EFHD2: variants seen among roughly 807,000 people sequenced by gnomAD.
EFHD2 encodes EF-hand domain-containing protein D2.
A neutral mutation model predicts 20.3 loss-of-function variants in EFHD2; 12 were observed. The ratio of observed to expected loss-of-function variants is 0.59; its 90% CI spans 0.38 to 0.96. The LOEUF is 0.96. Among genes scored for constraint, EFHD2 ranks in the 40% least tolerant of loss-of-function variants. The probability of loss-of-function intolerance (pLI) is 0.00; values close to 1 mark genes in which losing one functional copy is unlikely to be tolerated. For synonymous variants in EFHD2, 131 were observed against 143.9 expected (o/e 0.91, Z 0.64); for missense variants, 250 against 334.3 (o/e 0.75, Z 1.97).
At chr1:15,421,432 C>T (rs1447177639) in intron 1 of EFHD2, among the ~76,000 whole-genome samples, 1 of 152,192 alleles carries the variant, frequency 6.6e-6, no homozygotes, top group East Asian at 1.9e-4. Context: ...CCCGTCACCT[C>T]CTCTTGGTGA....
intron 1 of EFHD2, 94 bp from the exon 2 acceptor site, chr1:15,425,777 A>G: frequency 6.6e-7 from 1 of 1,510,248 alleles, no homozygotes; most frequent in Non-Finnish European, 8.9e-7. Flanking sequence ...GGTTGGTAGG[A>G]GATGCCCTCT....
intron 1 of EFHD2, among the ~76,000 whole-genome samples, chr1:15,417,404 C>A (rs1707691531): frequency 6.6e-6 from 1 of 152,184 alleles, no homozygotes; most frequent in African/African-American, 2.4e-5. Context: ...AAGGGGGTGG[C>A]TGGCAGGGAG....
At chr1:15,410,430 G>A in intron 1 of EFHD2, 151 bp downstream of exon 1, 2 of 995,960 alleles carry the variant, frequency 2.0e-6, no homozygotes, top group South Asian at 1.8e-5. Context: ...GGACCCGGCG[G>A]CCCCTTCCAG....
intron 1 of EFHD2, among the ~76,000 whole-genome samples, chr1:15,411,240 C>G (rs999834265): frequency 6.6e-6 from 1 of 151,770 alleles, no homozygotes; most frequent in African/African-American, 2.4e-5. Context: ...ATGTCCCACA[C>G]CCACCCTGGT....
chr1:15,417,298 C>T (rs980139801), intron 1 of EFHD2, among the ~76,000 whole-genome samples: 3 of 152,182 alleles, frequency 2.0e-5, no homozygotes, highest in African/African-American at 7.2e-5. Flanking sequence ...GATTAAGTTA[C>T]GTTATAAACA....
chr1:15,422,466 C>G (rs1378545731), intron 1 of EFHD2, among the ~76,000 whole-genome samples: 1 of 152,192 alleles, frequency 6.6e-6, no homozygotes. Context: ...CCAGATGCCA[C>G]TGGCATCCCC....
chr1:15,426,078 C>T lies in EFHD2; in HGVS notation c.456+60C>T, dbSNP rs941882551. On this transcript the variant is annotated intron_variant, in intron 2 of 3. Transcript: ENST00000375980. This position sits in a 1 kb window ranked among gnomAD's most constrained non-coding sequence, Gnocchi z 4.6. ...GGGCTTCACCTGAGGACCTGGTGGCCCGGGAGAGACCAACCCCCACCCTTT... is the reference window on the plus strand; with the variant it reads ...GGGCTTCACCTGAGGACCTGGTGGCTCGGGAGAGACCAACCCCCACCCTTT... The T allele has an allele frequency of 6.7e-7, 1 of 1,483,802 alleles. No homozygotes were observed. The highest frequency in any genetic ancestry group is 1.4e-5 in the African/African-American group (1 of 69,126). The allele number at this position is 1,483,802 out of a possible 1,614,324, so 91.9% of individuals were successfully genotyped here. A position where few individuals can be genotyped will look rare whatever the true frequency, so the allele number is the denominator to read the frequency against.
chr1:15,414,730 A>C (rs565540721), intron 1 of EFHD2, among the ~76,000 whole-genome samples: 4 of 152,352 alleles, frequency 2.6e-5, no homozygotes, highest in Non-Finnish European at 5.9e-5. Flanking sequence ...GACAGGACGC[A>C]GGGTTAGAGC....
rs151088045 is a variant in EFHD2, at chr1:15,415,770, G to A, written c.308+5491G>A. ...CTCCCAAAGTGCTGGGATTACAGAC[G>A]AGAGCCACCGCTCCCAGCCTGATAC... On this transcript the variant is annotated intron_variant, in intron 1 of 3. Transcript: ENST00000375980. 7.2e-4 allele frequency among the ~76,000 whole-genome samples: 109 copies of A among 152,208 alleles called. 1 individual carries two copies. In the East Asian group the frequency reaches 0.019, roughly 27 times the overall value.
chr1:15,411,248 G>A (rs1221782692), intron 1 of EFHD2, among the ~76,000 whole-genome samples: 1 of 146,700 alleles, frequency 6.8e-6, no homozygotes, highest in African/African-American at 2.6e-5. Flanking sequence ...CACCCACCCT[G>A]GTCAAAAGGG....
intron 1 of EFHD2, among the ~76,000 whole-genome samples, chr1:15,422,031 T>C (rs1707800233): frequency 1.3e-5 from 2 of 151,840 alleles, no homozygotes; most frequent in African/African-American, 2.4e-5. Flanking sequence ...AGAGGCCCCA[T>C]TGCAGCAGGG....
chr1:15,426,490 G>A lies in EFHD2; in HGVS notation c.456+472G>A, dbSNP rs760789992. On this transcript the variant is annotated intron_variant, in intron 2 of 3. Coordinates refer to ENST00000375980, the MANE Select transcript of EFHD2 (RefSeq NM_024329.6). The surrounding 1 kb of genome is among the most constrained non-coding windows in gnomAD (Gnocchi z 4.6). ...CCGGTTTCGCAGGGAAGGAAATGGA[G>A]GCCCAAGCCAGACAGCGATGATACT... 6.6e-6 allele frequency among the ~76,000 whole-genome samples: 1 copy of A among 152,100 alleles called. No individual in the cohort carries two copies. The highest frequency in any genetic ancestry group is 2.1e-4 in the South Asian group (1 of 4,820).
rs557622806 is a variant in EFHD2 at position 15,411,719 on chromosome 1, A to C, written c.308+1440A>C. Among the ~76,000 whole-genome samples the C allele has an allele frequency of 5.2e-4, 79 of 152,322 alleles. 1 individual carries two copies. Among genetic ancestry groups the C allele is most frequent in the African/African-American group, 1.8e-3 (76 of 41,576 alleles). On this transcript the variant is annotated intron_variant, in intron 1 of 3. Coordinates refer to ENST00000375980, the MANE Select transcript of EFHD2 (RefSeq NM_024329.6). ...CAGGAGGTCTAGCCCCACCTGGCACAGGCAGCCCAGGGCTGAGGGAGGGAT... is the reference window on the plus strand; with the variant it reads ...CAGGAGGTCTAGCCCCACCTGGCACCGGCAGCCCAGGGCTGAGGGAGGGAT...
chr1:15,419,370 C>A (rs1409989424), intron 1 of EFHD2, among the ~76,000 whole-genome samples: 1 of 152,232 alleles, frequency 6.6e-6, no homozygotes, highest in Non-Finnish European at 1.5e-5. Flanking sequence ...CCCTCCGGTG[C>A]TGGAGAAAAG....
intron 1 of EFHD2, among the ~76,000 whole-genome samples, chr1:15,424,341 C>T (rs1405107915): frequency 6.6e-6 from 1 of 152,196 alleles, no homozygotes; most frequent in Admixed American, 6.5e-5. Flanking sequence ...CCCTCTTTCA[C>T]CAGGCTGTGT....
chr1:15,423,542 C>T (rs1480308059), intron 1 of EFHD2, among the ~76,000 whole-genome samples: 1 of 152,198 alleles, frequency 6.6e-6, no homozygotes, highest in Non-Finnish European at 1.5e-5. Flanking sequence ...AGTCTGGAAG[C>T]CCAGCTCCTT....
rs1707578031 is a variant in EFHD2 at position 15,413,300 on chromosome 1, T to C, written c.308+3021T>C. Among the ~76,000 whole-genome samples the C allele has an allele frequency of 6.6e-6, 1 of 152,024 alleles. No homozygotes were observed. The highest frequency in any genetic ancestry group is 2.4e-5 in the African/African-American group (1 of 41,386). ...CAGCAGGAGAATGGGAGCCAGCCTT[T>C]CCTTGGGGGCCAGGAGCGAGGAACC... On this transcript the variant is annotated intron_variant, in intron 1 of 3. Transcript: ENST00000375980. The surrounding 1 kb of genome is among the most constrained non-coding windows in gnomAD (Gnocchi z 4.4).
chr1:15,410,337 A>T lies in EFHD2; in HGVS notation c.308+58A>T. 2.8e-6 allele frequency: 4 copies of T among 1,451,188 alleles called. No homozygotes were observed. The Admixed American group carries it at 9.7e-5, about 35-fold the overall frequency. The allele number at this position is 1,451,188 out of a possible 1,614,324, so 89.9% of individuals were successfully genotyped here. On this transcript the variant is annotated intron_variant, in intron 1 of 3. Transcript: ENST00000375980. ...CCCCGCGACCCGGTCTCGGGCCCCG[A>T]ACCCCCCGATCCCCGGATCCCGCTC...
rs1483290215 is a variant in EFHD2 at position 15,426,473 on chromosome 1, G to A, written c.456+455G>A. 6.6e-6 allele frequency among the ~76,000 whole-genome samples: 1 copy of A among 152,084 alleles called. No individual in the cohort carries two copies. The highest frequency in any genetic ancestry group is 2.4e-5 in the African/African-American group (1 of 41,398). On this transcript the variant is annotated intron_variant, in intron 2 of 3. Transcript: ENST00000375980. The surrounding 1 kb of genome is among the most constrained non-coding windows in gnomAD (Gnocchi z 4.6). ...CAGGAGCTAGGGGCAAGCCGGTTTC[G>A]CAGGGAAGGAAATGGAGGCCCAAGC...
Sources: gnomAD v4.1 joint callset for allele counts (sites outside exome capture counted in the v4.1 genomes callset) on GRCh38, gnomAD v4.1.1 for gene constraint, Gnocchi (gnomAD v3.1) non-coding constraint, MANE v1.5 for transcripts, NCBI Gene and HGNC (gene_info 2026-07-23, HGNC 2026-07-21) for gene names.